The following KAT2B variants were observed in gnomAD, a reference collection of about 807,000 sequenced individuals.
KAT2B encodes lysine acetyltransferase 2B.
Under a neutral mutation model 105.9 loss-of-function variants are expected in KAT2B, and 36 were observed. The ratio of observed to expected loss-of-function variants is 0.34; its 90% confidence interval spans 0.26 to 0.45. The LOEUF is 0.45. Among genes scored for constraint, KAT2B ranks in the 20% least tolerant of loss-of-function variants. The probability of loss-of-function intolerance (pLI) is 1.00; values close to 1 mark genes in which losing one functional copy is unlikely to be tolerated. For synonymous variants in KAT2B, 397 were observed against 377.9 expected, an observed-to-expected ratio of 1.05 and a Z score of -0.59; for missense variants, 820 against 1,021.6, an observed-to-expected ratio of 0.80 and a Z score of 2.69.
intron 2 of KAT2B, among the ~76,000 whole-genome samples, chr3:20,074,869 C>T (rs1698389808): frequency 1.3e-5 from 2 of 152,104 alleles, no homozygotes; most frequent in Non-Finnish European, 2.9e-5. Flanking sequence ...GAAGTTTACC[C>T]CAAGGGAACT....
chr3:20,119,792 A>C, intron 8 of KAT2B, 69 bp downstream of exon 8: 1 of 1,547,288 alleles, frequency 6.5e-7, no homozygotes, highest in Non-Finnish European at 8.9e-7. Flanking sequence ...TGAGGAGTGC[A>C]AAAGGTAGAC....
chr3:20,121,543 G>T (rs1699307275), intron 8 of KAT2B, among the ~76,000 whole-genome samples: 1 of 152,124 alleles, frequency 6.6e-6, no homozygotes, highest in African/African-American at 2.4e-5. Flanking sequence ...GCATCTACTT[G>T]ATAGGCTAGT....
chr3:20,117,742 G>A (rs1229995615), intron 7 of KAT2B, among the ~76,000 whole-genome samples: 4 of 152,120 alleles, frequency 2.6e-5, no homozygotes, highest in Non-Finnish European at 5.9e-5. Context: ...TGTCTGTACT[G>A]CCATGCTGTG....
At chr3:20,118,399 TAG>T (rs979704412) in intron 7 of KAT2B, among the ~76,000 whole-genome samples, 13 of 140,542 alleles carry the variant, frequency 9.2e-5, no homozygotes, top group Non-Finnish European at 6.2e-5. Flanking sequence ...AGGGGAAGAG[TAG>T]AGAGAGAGAA....
At chr3:20,047,868 C>A (rs1010579919) in intron 1 of KAT2B, among the ~76,000 whole-genome samples, 1 of 151,606 alleles carries the variant, frequency 6.6e-6, no homozygotes, top group Non-Finnish European at 1.5e-5. Context: ...TGTCTGCCTG[C>A]GCCTCCTGAA....
At chr3:20,083,712 TGG>T (rs957736095) in intron 2 of KAT2B, among the ~76,000 whole-genome samples, 12 of 152,180 alleles carry the variant, frequency 7.9e-5, no homozygotes, top group African/African-American at 2.4e-4. Flanking sequence ...AAAGGTAGGA[TGG>T]GGAAATGCAG....
chr3:20,114,965 C>T lies in KAT2B; in HGVS notation c.1127C>T (p.Thr376Ile). The change falls in exon 7 of 18, where the codon ACC (threonine) becomes ATC (isoleucine). Residue 376 changes from threonine to isoleucine, a missense_variant. Transcript: ENST00000263754. The stretch of plus-strand genomic sequence containing the variant: ...GATTTTCTCTCAGCCTCTTCCAGAA[C>T]CAGCCAGCTAGGCATCCAAACAGGT... ...DQDFLSASSR[T>I]SQLGIQTVIN... 3.1e-6 allele frequency: 5 copies of T among 1,611,604 alleles called. No homozygotes were observed. Among genetic ancestry groups the T allele is most frequent in the Non-Finnish European group, 4.2e-6 (5 of 1,177,830 alleles).
chr3:20,078,479 C>T (rs1266054667), intron 2 of KAT2B, among the ~76,000 whole-genome samples: 1 of 151,838 alleles, frequency 6.6e-6, no homozygotes, highest in Non-Finnish European at 1.5e-5. Flanking sequence ...CTCAAGCGAT[C>T]CTTTCACTTC....
At chr3:20,115,632 T>C (rs908087871) in intron 7 of KAT2B, among the ~76,000 whole-genome samples, 2 of 152,210 alleles carry the variant, frequency 1.3e-5, no homozygotes, top group Non-Finnish European at 2.9e-5. Flanking sequence ...AATTGAAGTA[T>C]AATTTATATA....
intron 5 of KAT2B, among the ~76,000 whole-genome samples, chr3:20,105,043 G>A (rs1698976180): frequency 6.6e-6 from 1 of 151,994 alleles, no homozygotes; most frequent in Non-Finnish European, 1.5e-5. Flanking sequence ...GTGCCACCAT[G>A]CCTGGCTAAT....
Position 20,148,469 on chromosome 3 carries a change from GT to G in KAT2B, c.2289del (p.Ile764Ter), listed in dbSNP as rs1559334259. The G allele has an allele frequency of 6.2e-7, 1 of 1,602,912 alleles. No individual in the cohort carries two copies. Among genetic ancestry groups the G allele is most frequent in the Non-Finnish European group, 8.5e-7 (1 of 1,176,660 alleles). ...AACAGAAGCTCCAGGATATTATGAA[GT>G]TATAAGGTTCCCCATGGGTAATACC... ...KRTEAPGYYE[V>X]IRFPMDLKTM... On this transcript the variant is annotated frameshift_variant, in exon 17 of 18. Transcript: ENST00000263754. LOFTEE classifies it high-confidence loss of function.
chr3:20,117,491 A>T (rs1699226886), intron 7 of KAT2B, among the ~76,000 whole-genome samples: 1 of 152,214 alleles, frequency 6.6e-6, no homozygotes, highest in Admixed American at 6.5e-5. Context: ...CTTTGTTCAG[A>T]ATCACTCCAG....
At chr3:20,104,484 T>TA (rs1204269173) in intron 5 of KAT2B, among the ~76,000 whole-genome samples, 11 of 151,982 alleles carry the variant, frequency 7.2e-5, no homozygotes, top group African/African-American at 2.2e-4. Context: ...CATGGGGAAT[T>TA]AAAAAAACCA....
At chr3:20,150,654 C>T (rs2661376) in intron 17 of KAT2B, among the ~76,000 whole-genome samples, 7,988 of 152,202 alleles carry the variant, frequency 0.052, 210 homozygotes, top group Non-Finnish European at 0.059. Flanking sequence ...AAAAACTCTA[C>T]GAAGGCCAGA....
At chr3:20,056,446 T>G (rs1324654889) in intron 1 of KAT2B, among the ~76,000 whole-genome samples, 1 of 152,196 alleles carries the variant, frequency 6.6e-6, no homozygotes, top group Non-Finnish European at 1.5e-5. Flanking sequence ...TAGATATGTC[T>G]GTTAATAGAC....
At chr3:20,117,154 A>G (rs1481042974) in intron 7 of KAT2B, among the ~76,000 whole-genome samples, 2 of 152,158 alleles carry the variant, frequency 1.3e-5, no homozygotes, top group East Asian at 3.9e-4. Flanking sequence ...TTCCAGCCAC[A>G]TTGTTATCTG....
intron 12 of KAT2B, 29 bp from the exon 13 acceptor site, chr3:20,140,192 T>G (rs1364635794): frequency 1.4e-6 from 2 of 1,426,152 alleles, no homozygotes; most frequent in Non-Finnish European, 2.0e-6. Flanking sequence ...TGTATGGTGT[T>G]CATATGAATG....
intron 6 of KAT2B, among the ~76,000 whole-genome samples, chr3:20,112,265 C>T (rs773888839): frequency 1.3e-5 from 2 of 150,600 alleles, no homozygotes; most frequent in African/African-American, 2.4e-5. Context: ...TCTTTGGAAA[C>T]TAGACTGCAA....
intron 1 of KAT2B, among the ~76,000 whole-genome samples, chr3:20,062,483 A>G (rs1339047086): frequency 7.3e-6 from 1 of 136,704 alleles, no homozygotes; most frequent in African/African-American, 2.7e-5. Context: ...TATATATTAG[A>G]GGTAGTTTTG....
Sources: gnomAD v4.1 joint callset for allele counts (sites outside exome capture counted in the v4.1 genomes callset) on GRCh38, gnomAD v4.1.1 for gene constraint, MANE v1.5 for transcripts, NCBI Gene and HGNC (gene_info 2026-07-23, HGNC 2026-07-21) for gene names.